The following MAML3 variants were observed in gnomAD, a reference collection of about 807,000 sequenced individuals.
MAML3 encodes mastermind like transcriptional coactivator 3.
In MAML3, 27 loss-of-function variants were observed where a neutral mutation model predicts 101.9. The ratio of observed to expected loss-of-function variants is 0.27; its 90% CI spans 0.20 to 0.37. The LOEUF (loss-of-function observed/expected upper bound fraction) is 0.37. MAML3 is among the 10% of genes least tolerant of loss of function. The pLI, the probability that MAML3 is intolerant of heterozygous loss-of-function variation, is 1.00. For synonymous variants in MAML3, 501 were observed against 555.9 expected, an observed-to-expected ratio of 0.90 and a Z score of 1.39; for missense variants, 1,316 against 1,444.9, an observed-to-expected ratio of 0.91 and a Z score of 1.45.
At chr4:139,934,749 T>TAGGGAAGAAC (rs1733473267) in intron 1 of MAML3, among the ~76,000 whole-genome samples, 1 of 152,224 alleles carries the variant, frequency 6.6e-6, no homozygotes, top group Non-Finnish European at 1.5e-5. Flanking sequence ...AAAGTGTTCT[T>TAGGGAAGAAC]CCCTAAATGT....
chr4:139,887,676 A>G (rs1295660893), intron 2 of MAML3, among the ~76,000 whole-genome samples: 1 of 152,224 alleles, frequency 6.6e-6, no homozygotes, highest in African/African-American at 2.4e-5. Context: ...AACTGGAATT[A>G]ATTATTCATC....
At chr4:139,824,792 T>C (rs1398520505) in intron 2 of MAML3, among the ~76,000 whole-genome samples, 2 of 152,208 alleles carry the variant, frequency 1.3e-5, no homozygotes, top group African/African-American at 4.8e-5. Context: ...CTTCAAGCTG[T>C]GTAACTGACG....
intron 2 of MAML3, among the ~76,000 whole-genome samples, chr4:139,872,370 G>C (rs951323217): frequency 6.6e-6 from 1 of 152,196 alleles, no homozygotes; most frequent in Non-Finnish European, 1.5e-5. Flanking sequence ...ATTTGAATGG[G>C]AAATGGAAAG....
chr4:139,765,281 G>A (rs1578589844), intron 2 of MAML3, among the ~76,000 whole-genome samples: 1 of 152,190 alleles, frequency 6.6e-6, no homozygotes, highest in South Asian at 2.1e-4. Flanking sequence ...AAACTGGAAG[G>A]GAATATTAAA....
At chr4:140,122,662 G>T (rs1347735848) in intron 1 of MAML3, among the ~76,000 whole-genome samples, 2 of 150,790 alleles carry the variant, frequency 1.3e-5, no homozygotes, top group Non-Finnish European at 3.0e-5. Context: ...CGTAGTGGCG[G>T]GCGCCTGTAG....
intron 2 of MAML3, among the ~76,000 whole-genome samples, chr4:139,776,371 T>TACA (rs1730096581): frequency 6.6e-6 from 1 of 152,190 alleles, no homozygotes; most frequent in South Asian, 2.1e-4. Flanking sequence ...GGAAACCTCC[T>TACA]ACATTCCCTT....
intron 2 of MAML3, among the ~76,000 whole-genome samples, chr4:139,832,510 G>A (rs1387501319): frequency 6.6e-6 from 1 of 152,056 alleles, no homozygotes; most frequent in African/African-American, 2.4e-5. Flanking sequence ...TTCCCCTAGG[G>A]TGGGAAGAGA....
At chr4:140,035,432 A>C (rs1328046828) in intron 1 of MAML3, among the ~76,000 whole-genome samples, 2 of 152,176 alleles carry the variant, frequency 1.3e-5, no homozygotes, top group Non-Finnish European at 2.9e-5. Flanking sequence ...ATCATCACTT[A>C]ATAACATATA....
intron 1 of MAML3, among the ~76,000 whole-genome samples, chr4:139,926,050 C>T (rs556160816): frequency 6.6e-6 from 1 of 152,128 alleles, no homozygotes; most frequent in African/African-American, 2.4e-5. Context: ...CTGCATCTTG[C>T]CCTCAACAGA....
intron 2 of MAML3, among the ~76,000 whole-genome samples, chr4:139,830,408 C>CTT (rs1560807162): frequency 2.8e-5 from 4 of 143,596 alleles, no homozygotes; most frequent in African/African-American, 1.1e-4. Context: ...GCACGCTGTG[C>CTT]TATTTTTTTT....
chr4:139,819,600 T>C (rs180910537), intron 2 of MAML3, among the ~76,000 whole-genome samples: 26 of 152,182 alleles, frequency 1.7e-4, no homozygotes, highest in African/African-American at 2.9e-4. Flanking sequence ...TTTTTTCCAA[T>C]TGGACTATAC....
chr4:139,790,424 T>G (rs576009431), intron 2 of MAML3, among the ~76,000 whole-genome samples: 6 of 151,798 alleles, frequency 4.0e-5, no homozygotes, highest in African/African-American at 1.4e-4. Context: ...ATTGTAACCA[T>G]TTTTAAGGGT....
intron 1 of MAML3, among the ~76,000 whole-genome samples, chr4:140,007,933 A>AT (rs1726477628): frequency 6.6e-6 from 1 of 152,160 alleles, no homozygotes. Flanking sequence ...ATCAAAGAGA[A>AT]TTTTTCATCG....
chr4:139,982,805 A>G (rs1223453985), intron 1 of MAML3, among the ~76,000 whole-genome samples: 1 of 152,156 alleles, frequency 6.6e-6, no homozygotes, highest in Non-Finnish European at 1.5e-5. Flanking sequence ...TGTAACCTCC[A>G]CTTCAATAGT....
chr4:139,816,632 G>A (rs1730897605), intron 2 of MAML3, among the ~76,000 whole-genome samples: 1 of 152,104 alleles, frequency 6.6e-6, no homozygotes, highest in African/African-American at 2.4e-5. Flanking sequence ...GAAGTCCAGT[G>A]TTGTGCTGCA....
chr4:139,872,318 C>G (rs1165113183), intron 2 of MAML3, among the ~76,000 whole-genome samples: 1 of 152,190 alleles, frequency 6.6e-6, no homozygotes, highest in East Asian at 1.9e-4. Context: ...AACACAGCTT[C>G]ATGTGCAATT....
intron 2 of MAML3, among the ~76,000 whole-genome samples, chr4:139,874,951 C>T (rs1313927879): frequency 3.3e-5 from 5 of 152,086 alleles, no homozygotes; most frequent in African/African-American, 1.2e-4. Flanking sequence ...TTACAGGCGT[C>T]TGCCACCACG....
intron 1 of MAML3, among the ~76,000 whole-genome samples, chr4:139,897,933 C>A (rs1732643601): frequency 6.6e-6 from 1 of 152,204 alleles, no homozygotes; most frequent in Non-Finnish European, 1.5e-5. Flanking sequence ...CCAGGACATA[C>A]CACATTTGTT....
intron 2 of MAML3, among the ~76,000 whole-genome samples, chr4:139,809,600 G>A (rs1017731992): frequency 5.9e-5 from 9 of 152,166 alleles, no homozygotes; most frequent in Non-Finnish European, 1.3e-4. Context: ...AAGGCAGGAT[G>A]GGAAACAGTC....
Sources: gnomAD v4.1 joint callset for allele counts (sites outside exome capture counted in the v4.1 genomes callset) on GRCh38, gnomAD v4.1.1 for gene constraint, MANE v1.5 for transcripts, NCBI Gene and HGNC (gene_info 2026-07-23, HGNC 2026-07-21) for gene names.